Variants in TSPAN18 observed in about 807,000 individuals in gnomAD.
The protein encoded by TSPAN18 is tetraspanin-18.
A neutral mutation model predicts 27.3 loss-of-function variants in TSPAN18; 14 were observed. The ratio of observed to expected loss-of-function variants is 0.51; its 90% CI spans 0.34 to 0.80. The LOEUF is 0.80. TSPAN18 is among the 30% of genes least tolerant of loss of function. The pLI is 0.01. For missense variants in TSPAN18, 268 were observed against 323.9 expected (o/e 0.83, Z 1.32); for synonymous variants, 143 against 136.5 (o/e 1.05, Z -0.33).
At chr11:44,920,101 C>T in intron 8 of TSPAN18, 102 bp downstream of exon 8, 8 of 1,176,174 alleles carry the variant, frequency 6.8e-6, no homozygotes, top group Non-Finnish European at 9.4e-6. Flanking sequence ...GAAGCTACCC[C>T]AGGAATCCCA....
chr11:44,836,218 G>C (rs1238129395), intron 2 of TSPAN18, among the ~76,000 whole-genome samples: 1 of 152,238 alleles, frequency 6.6e-6, no homozygotes, highest in East Asian at 1.9e-4. Flanking sequence ...TAACTAAGTT[G>C]TGAATGCCAA....
intron 2 of TSPAN18, among the ~76,000 whole-genome samples, chr11:44,829,645 T>C (rs1185850931): frequency 6.6e-6 from 1 of 152,182 alleles, no homozygotes; most frequent in African/African-American, 2.4e-5. Flanking sequence ...CTGTAAACAT[T>C]AGTGTGCGGT....
chr11:44,738,345 T>C (rs537654387), intron 1 of TSPAN18, among the ~76,000 whole-genome samples: 2 of 152,342 alleles, frequency 1.3e-5, no homozygotes, highest in East Asian at 3.9e-4. Context: ...GTGGGAACGC[T>C]GGAGCCCACC....
intron 1 of TSPAN18, among the ~76,000 whole-genome samples, chr11:44,761,743 A>T (rs1417375902): frequency 6.6e-6 from 1 of 152,252 alleles, no homozygotes; most frequent in Non-Finnish European, 1.5e-5. Flanking sequence ...CGTGGCTGAC[A>T]GGCACTCTTG....
intron 2 of TSPAN18, among the ~76,000 whole-genome samples, chr11:44,782,991 G>A (rs1312845284): frequency 6.6e-6 from 1 of 152,052 alleles, no homozygotes; most frequent in African/African-American, 2.4e-5. Flanking sequence ...ACCATGCCTG[G>A]CTAATTTTTG....
intron 1 of TSPAN18, among the ~76,000 whole-genome samples, chr11:44,741,415 CA>C (rs1249102575): frequency 1.3e-5 from 2 of 151,230 alleles, no homozygotes; most frequent in African/African-American, 4.9e-5. Context: ...TAGCCACTCA[CA>C]AAGGTCTATT....
At chr11:44,834,010 A>C (rs1418515248) in intron 2 of TSPAN18, among the ~76,000 whole-genome samples, 1 of 151,316 alleles carries the variant, frequency 6.6e-6, no homozygotes, top group African/African-American at 2.4e-5. Flanking sequence ...GCGGCTTCCT[A>C]GATAATTAAT....
At chr11:44,846,533 G>A (rs1010473636) in intron 2 of TSPAN18, among the ~76,000 whole-genome samples, 2 of 152,080 alleles carry the variant, frequency 1.3e-5, no homozygotes, top group Non-Finnish European at 2.9e-5. Flanking sequence ...CAAGTCTAAG[G>A]AGGCCCGAAT....
At position 44,909,925 on chromosome 11, in the gene TSPAN18, C is replaced by T. The variant is rs1859646369; in HGVS notation, c.258+26C>T. On this transcript the variant is annotated intron_variant, in intron 5 of 9. Transcript: ENST00000520358. The stretch of plus-strand genomic sequence containing the variant: ...GTGAGTACCCCAGCCCCCACCCCAT[C>T]CATGGGTGCTCTGAGGGGTGTCAGG... 8 of 1,592,126 alleles carry T rather than the reference C, an allele frequency of 5.0e-6. No homozygotes were observed. The African/African-American group carries it at 9.4e-5, about 19-fold the overall frequency.
chr11:44,765,470 G>T (rs1855547456), intron 2 of TSPAN18, among the ~76,000 whole-genome samples: 1 of 152,176 alleles, frequency 6.6e-6, no homozygotes, highest in Admixed American at 6.5e-5. Context: ...TATCAGAAGA[G>T]AAACCAGCAA....
Position 44,873,086 on chromosome 11 carries a change from T to C in TSPAN18, c.-11+12617T>C, listed in dbSNP as rs147581758. Among the ~76,000 whole-genome samples the C allele has an allele frequency of 6.2e-3, 939 of 152,276 alleles. 8 individuals carry two copies. Among genetic ancestry groups the C allele is most frequent in the African/African-American group, 0.022 (902 of 41,552 alleles). ...GTCAGGAAGAAGATGGTCGAAATGC[T>C]TGGATAAGGGGCTGGAGGTGACAGT... On this transcript the variant is annotated intron_variant, in intron 3 of 9. Coordinates refer to ENST00000520358, the MANE Select transcript of TSPAN18 (RefSeq NM_130783.5).
At chr11:44,850,934 G>A (rs1857585626) in intron 2 of TSPAN18, among the ~76,000 whole-genome samples, 1 of 152,180 alleles carries the variant, frequency 6.6e-6, no homozygotes, top group African/African-American at 2.4e-5. Context: ...GTTAAAGATG[G>A]TGGAATACCT....
intron 2 of TSPAN18, among the ~76,000 whole-genome samples, chr11:44,816,976 G>T (rs1590521967): frequency 6.6e-6 from 1 of 152,244 alleles, no homozygotes; most frequent in Non-Finnish European, 1.5e-5. Context: ...CCTGTGGCTA[G>T]TTGGGCTCTG....
intron 2 of TSPAN18, among the ~76,000 whole-genome samples, chr11:44,835,848 CT>C (rs1857254045): frequency 6.6e-6 from 1 of 152,070 alleles, no homozygotes. Context: ...ATTAATATGT[CT>C]GTTGTTGTGA....
At chr11:44,918,546 G>A (rs1004921433) in intron 6 of TSPAN18, among the ~76,000 whole-genome samples, 8 of 151,826 alleles carry the variant, frequency 5.3e-5, no homozygotes, top group East Asian at 1.9e-4. Flanking sequence ...CTGGGGCGGG[G>A]GGTTGGAGAA....
chr11:44,730,852 C>A (rs1168156114), intron 1 of TSPAN18, among the ~76,000 whole-genome samples: 1 of 151,484 alleles, frequency 6.6e-6, no homozygotes, highest in Non-Finnish European at 1.5e-5. Context: ...TCGCAAACTC[C>A]TGACCTCGTG....
intron 3 of TSPAN18, among the ~76,000 whole-genome samples, chr11:44,896,648 C>T (rs1032306811): frequency 6.6e-6 from 1 of 152,164 alleles, no homozygotes; most frequent in Non-Finnish European, 1.5e-5. Flanking sequence ...CTGCACTCCC[C>T]CAAGACTAGC....
chr11:44,931,174 G>GCTCC lies in TSPAN18; in HGVS notation c.*1996_*1997insCTCC, dbSNP rs1860547651. On this transcript the variant is annotated 3_prime_UTR_variant, in exon 10 of 10. Transcript: ENST00000520358. ...TGGCAACCCCATAAATGACACCTGAGGTCCGTAGAAGCTAAGCTCCTGAGA... is the reference window on the plus strand; with the variant it reads ...TGGCAACCCCATAAATGACACCTGAGCTCCGTCCGTAGAAGCTAAGCTCCTGAGA... 1 of 346,250 alleles carries GCTCC rather than the reference G, an allele frequency of 2.9e-6. No homozygotes were observed. Among genetic ancestry groups the GCTCC allele is most frequent in the Non-Finnish European group, 5.7e-6 (1 of 174,536 alleles). 21.4% of individuals were successfully genotyped at this position (346,250 alleles called of 1,614,324 possible).
chr11:44,926,188 C>G (rs570113271), intron 8 of TSPAN18, among the ~76,000 whole-genome samples: 1 of 152,140 alleles, frequency 6.6e-6, no homozygotes, highest in African/African-American at 2.4e-5. Context: ...AGGCAGGTCA[C>G]GAGGAACAGT....
Sources: allele counts gnomAD v4.1 joint callset (sites outside exome capture counted in the v4.1 genomes callset), GRCh38; gene constraint gnomAD v4.1.1; transcripts MANE v1.5; gene names NCBI Gene and HGNC (gene_info 2026-07-23, HGNC 2026-07-21).